P2RY8: variants seen among roughly 807,000 people sequenced by gnomAD.
The protein encoded by P2RY8 is P2Y receptor family member 8.
Under a neutral mutation model 10.0 loss-of-function variants are expected in P2RY8, and 6 were observed. That is an observed-to-expected ratio of 0.60 (90% CI 0.33 to 1.19). The LOEUF (loss-of-function observed/expected upper bound fraction) is 1.19, where lower values mean the gene tolerates loss of function less well. P2RY8 is among the 50% of genes most tolerant of loss of function. The probability of loss-of-function intolerance (pLI) is 0.04; values close to 1 mark genes in which losing one functional copy is unlikely to be tolerated. For synonymous variants in P2RY8, 276 were observed against 252.5 expected (o/e 1.09, Z -0.88); for missense variants, 456 against 542.0 (o/e 0.84, Z 1.58).
chrX:1,521,169 G>A, intron 1 of P2RY8, among the ~76,000 whole-genome samples: 1 of 151,442 alleles, frequency 6.6e-6, no homozygotes, highest in Non-Finnish European at 1.5e-5. Flanking sequence ...TGAGTAGCTG[G>A]GATTACAGAG....
chrX:1,526,805 C>T (rs1395886351), intron 1 of P2RY8, among the ~76,000 whole-genome samples: 1 of 152,164 alleles, frequency 6.6e-6, no homozygotes, highest in Non-Finnish European at 1.5e-5. Context: ...ATTCATGCAT[C>T]GATGAATTCA....
At chrX:1,530,157 GATCTATCTATC>G (rs1334818866) in intron 1 of P2RY8, among the ~76,000 whole-genome samples, 1,343 of 42,522 alleles carry the variant, frequency 0.032, 15 homozygotes, top group Middle Eastern at 0.065. Context: ...ATGTATGTAT[GATCTATCTATC>G]TATCTATCTA....
chrX:1,492,141 T>C (rs1255758927), intron 1 of P2RY8, among the ~76,000 whole-genome samples: 2 of 152,008 alleles, frequency 1.3e-5, no homozygotes, highest in Admixed American at 6.6e-5. Context: ...GAGAGGGGTG[T>C]GGTCCAAGCC....
Position 1,464,130 on chromosome X carries a change from TGCGGAGAC to T in P2RY8, c.*1341_*1348del, listed in dbSNP as rs1196663278. ...GGGCCGGGCATCCAAGGCCACCCAC[TGCGGAGAC>T]GCAGAGCCCGTGGGCAGACAGGCAG... On this transcript the variant is annotated 3_prime_UTR_variant, in exon 2 of 2. Transcript: ENST00000381297. The T allele has an allele frequency of 2.1e-5, 5 of 233,236 alleles. No homozygotes were observed. Among genetic ancestry groups the T allele is most frequent in the African/African-American group, 1.1e-4 (5 of 45,338 alleles). The allele number at this position is 233,236 out of a possible 1,614,324, so 14.4% of individuals were successfully genotyped here.
intron 1 of P2RY8, among the ~76,000 whole-genome samples, chrX:1,524,505 CCATCCATCCATCCATCCATCCATT>C (rs2092418458): frequency 7.0e-6 from 1 of 143,134 alleles, no homozygotes; most frequent in Admixed American, 6.9e-5. Context: ...ATCCACGCAT[CCATCCATCCATCCATCCATCCATT>C]CATCCATCCA....
At chrX:1,477,789 C>A (rs1337224190) in intron 1 of P2RY8, among the ~76,000 whole-genome samples, 1 of 152,120 alleles carries the variant, frequency 6.6e-6, no homozygotes, top group Admixed American at 6.6e-5. Context: ...ACAAGAGCAG[C>A]CTTCAACAAA....
intron 1 of P2RY8, among the ~76,000 whole-genome samples, chrX:1,470,669 C>A (rs1365468867): frequency 6.6e-6 from 1 of 152,034 alleles, no homozygotes; most frequent in East Asian, 1.9e-4. Context: ...AATATGTGGT[C>A]TTTTGTGTCT....
At chrX:1,487,363 T>C (rs766562876) in intron 1 of P2RY8, among the ~76,000 whole-genome samples, 2 of 152,246 alleles carry the variant, frequency 1.3e-5, no homozygotes, top group East Asian at 1.9e-4. Flanking sequence ...ACATTGAATG[T>C]TTGCAAACGT....
intron 1 of P2RY8, among the ~76,000 whole-genome samples, chrX:1,468,075 C>T (rs181421715): frequency 6.6e-6 from 1 of 151,802 alleles, no homozygotes; most frequent in African/African-American, 2.4e-5. Flanking sequence ...GTACCTGGGA[C>T]TGCAGGTGCA....
chrX:1,525,436 G>C (rs2092433588), intron 1 of P2RY8, among the ~76,000 whole-genome samples: 1 of 152,168 alleles, frequency 6.6e-6, no homozygotes, highest in Non-Finnish European at 1.5e-5. Context: ...GACAGAGGCA[G>C]AGATTGGAGG....
At chrX:1,515,162 C>G (rs149800348) in intron 1 of P2RY8, among the ~76,000 whole-genome samples, 1 of 150,912 alleles carries the variant, frequency 6.6e-6, no homozygotes, top group Non-Finnish European at 1.5e-5. Flanking sequence ...CCACCCACCT[C>G]GGCCTCCCAA....
At chrX:1,499,143 T>C (rs1269919848) in intron 1 of P2RY8, among the ~76,000 whole-genome samples, 1 of 144,580 alleles carries the variant, frequency 6.9e-6, no homozygotes, top group African/African-American at 2.6e-5. Context: ...CTCTGTTTTT[T>C]TTCTTTTTCT....
intron 1 of P2RY8, among the ~76,000 whole-genome samples, chrX:1,531,263 C>A (rs1410776675): frequency 6.6e-6 from 1 of 152,090 alleles, no homozygotes; most frequent in Admixed American, 6.6e-5. Flanking sequence ...CCCTACAATC[C>A]CCAGGATGGC....
At chrX:1,527,638 T>C (rs1382394895) in intron 1 of P2RY8, among the ~76,000 whole-genome samples, 1 of 151,980 alleles carries the variant, frequency 6.6e-6, no homozygotes, top group African/African-American at 2.4e-5. Flanking sequence ...ACTCATTCAT[T>C]CATCCATCCA....
At chrX:1,509,368 CATCTATTCTATCTATCTATCT>C (rs2092272917) in intron 1 of P2RY8, among the ~76,000 whole-genome samples, 1 of 144,662 alleles carries the variant, frequency 6.9e-6, no homozygotes, top group Non-Finnish European at 1.5e-5. Context: ...TCCATCCATC[CATCTATTCTATCTATCTATCT>C]ATCTATCTAT....
chrX:1,490,445 T>C (rs1210144645), intron 1 of P2RY8, among the ~76,000 whole-genome samples: 1 of 146,270 alleles, frequency 6.8e-6, no homozygotes, highest in African/African-American at 2.6e-5. Flanking sequence ...AGAGAATGAA[T>C]GAATGATACC....
At chrX:1,479,462 G>T (rs2091911915) in intron 1 of P2RY8, among the ~76,000 whole-genome samples, 1 of 152,158 alleles carries the variant, frequency 6.6e-6, no homozygotes, top group African/African-American at 2.4e-5. Flanking sequence ...TGAAGGGTTT[G>T]CATATTTTAA....
intron 1 of P2RY8, among the ~76,000 whole-genome samples, chrX:1,533,053 G>T (rs1437700218): frequency 6.8e-6 from 1 of 147,474 alleles, no homozygotes; most frequent in South Asian, 2.2e-4. Context: ...AAAAAAAAAG[G>T]AATGACACAA....
intron 1 of P2RY8, among the ~76,000 whole-genome samples, chrX:1,509,121 A>G (rs750528521): frequency 2.0e-5 from 3 of 151,838 alleles, no homozygotes; most frequent in African/African-American, 4.8e-5. Flanking sequence ...CTATCTATCT[A>G]TCTATCTATC....
Sources: gnomAD v4.1 joint callset for allele counts (sites outside exome capture counted in the v4.1 genomes callset) on GRCh38, gnomAD v4.1.1 for gene constraint, MANE v1.5 for transcripts, NCBI Gene and HGNC (gene_info 2026-07-23, HGNC 2026-07-21) for gene names.